The following TPO variants were observed in gnomAD, a reference collection of about 807,000 sequenced individuals.
The protein encoded by TPO is thyroid microsomal antigen.
In TPO, 78 loss-of-function variants were observed where a neutral mutation model predicts 96.9. The ratio of observed to expected loss-of-function variants is 0.81; its 90% confidence interval spans 0.67 to 0.97. The LOEUF is 0.97. TPO is among the 50% of genes least tolerant of loss of function. TPO has a pLI of 0.00. For synonymous variants in TPO, 547 were observed against 538.0 expected (o/e 1.02, Z -0.23); for missense variants, 1,252 against 1,274.8 (o/e 0.98, Z 0.27).
At chr2:1,376,688 C>G (rs965797845) in intron 1 of TPO, among the ~76,000 whole-genome samples, 1 of 152,030 alleles carries the variant, frequency 6.6e-6, no homozygotes, top group Non-Finnish European at 1.5e-5. Flanking sequence ...GACCCATGAC[C>G]GAGCACCCTT....
intron 3 of TPO, among the ~76,000 whole-genome samples, chr2:1,431,613 G>A (rs956712304): frequency 2.6e-5 from 4 of 152,170 alleles, no homozygotes; most frequent in Admixed American, 2.6e-4. Context: ...ACCTTCCGTA[G>A]TGATTGGTGT....
intron 10 of TPO, among the ~76,000 whole-genome samples, chr2:1,489,596 C>A (rs1671520247): frequency 6.6e-6 from 1 of 152,180 alleles, no homozygotes; most frequent in African/African-American, 2.4e-5. Flanking sequence ...GGGCTGTGAT[C>A]ACTAGCACCC....
intron 7 of TPO, among the ~76,000 whole-genome samples, chr2:1,472,876 T>C (rs1411823159): frequency 6.7e-6 from 1 of 149,252 alleles, no homozygotes; most frequent in East Asian, 2.0e-4. Context: ...ATTTCGTTGT[T>C]ACATTAGTTG....
At chr2:1,434,612 GAAGA>G (rs1665368068) in intron 4 of TPO, among the ~76,000 whole-genome samples, 1 of 152,212 alleles carries the variant, frequency 6.6e-6, no homozygotes, top group African/African-American at 2.4e-5. Context: ...CCTGACGTCA[GAAGA>G]TGTGGGTCTT....
chr2:1,504,053 T>G lies in TPO; in HGVS notation c.2492T>G (p.Leu831Ter), dbSNP rs771978129. The G allele has an allele frequency of 1.2e-5, 20 of 1,614,046 alleles. No individual in the cohort carries two copies. Among genetic ancestry groups the G allele is most frequent in the Non-Finnish European group, 1.5e-5 (18 of 1,180,048 alleles). Residue 831 changes from leucine to a stop codon, truncating the protein, a stop_gained, in exon 14 of 17, where the codon TTA becomes TGA. Coordinates refer to ENST00000329066, the MANE Select transcript of TPO (RefSeq NM_001206744.2). LOFTEE classifies it high-confidence loss of function. ...TGTCTCTGCGCGGACCCCTACGAGT[T>G]AGGAGACGATGGGAGAACCTGCGTA... Reference protein sequence around the residue: ...FQCLCADPYELGDDGRTCVDS... With the variant: ...FQCLCADPYE
intron 5 of TPO, among the ~76,000 whole-genome samples, chr2:1,437,715 T>C (rs1239297156): frequency 6.6e-6 from 1 of 152,166 alleles, no homozygotes; most frequent in East Asian, 1.9e-4. Context: ...AACCTGGCCA[T>C]GTGTGAGGAT....
chr2:1,462,132 T>G (rs1668504637), intron 7 of TPO, among the ~76,000 whole-genome samples: 1 of 152,290 alleles, frequency 6.6e-6, no homozygotes, highest in Non-Finnish European at 1.5e-5. Flanking sequence ...GGGGCAGGAC[T>G]GGGGTTGACA....
intron 1 of TPO, among the ~76,000 whole-genome samples, chr2:1,376,171 G>A (rs1337399192): frequency 6.6e-6 from 1 of 152,110 alleles, no homozygotes; most frequent in East Asian, 1.9e-4. Flanking sequence ...GAGCTAATGG[G>A]TATAAAACCC....
chr2:1,462,380 G>A (rs553770077), intron 7 of TPO, among the ~76,000 whole-genome samples: 1 of 152,152 alleles, frequency 6.6e-6, no homozygotes, highest in East Asian at 1.9e-4. Flanking sequence ...TTGAAAATAT[G>A]GAATCACAAG....
At chr2:1,376,163 G>C (rs1661718910) in intron 1 of TPO, among the ~76,000 whole-genome samples, 1 of 152,158 alleles carries the variant, frequency 6.6e-6, no homozygotes, top group South Asian at 2.1e-4. Flanking sequence ...CCATTGTAGA[G>C]CTAATGGGTA....
intron 15 of TPO, among the ~76,000 whole-genome samples, chr2:1,536,971 CCCCAATCTCCCCCACTGTGTG>C (rs1679829248): frequency 1.2e-5 from 1 of 80,726 alleles, no homozygotes; most frequent in Non-Finnish European, 2.4e-5. Flanking sequence ...GTGTGCAACC[CCCCAATCTCCCCCACTGTGTG>C]CAACCTCAAA....
At chr2:1,443,015 C>T (rs576749879) in intron 5 of TPO, among the ~76,000 whole-genome samples, 2 of 152,300 alleles carry the variant, frequency 1.3e-5, no homozygotes, top group South Asian at 2.1e-4. Context: ...GTCGGGGGAT[C>T]GCTTGAGCCC....
intron 3 of TPO, among the ~76,000 whole-genome samples, 194 bp downstream of exon 3, chr2:1,423,323 A>G (rs1245316481): frequency 6.6e-6 from 1 of 152,222 alleles, no homozygotes; most frequent in Non-Finnish European, 1.5e-5. Flanking sequence ...TTCTTAAGCA[A>G]GACACAAAGG....
At chr2:1,449,796 G>A (rs1667158503) in intron 5 of TPO, among the ~76,000 whole-genome samples, 1 of 152,178 alleles carries the variant, frequency 6.6e-6, no homozygotes, top group South Asian at 2.1e-4. Context: ...TTTGGAAAAA[G>A]CTGAGCTCAT....
At position 1,542,492 on chromosome 2, in the gene TPO, A is replaced by G. The variant is rs776167102; in HGVS notation, c.*18A>G. The G allele has an allele frequency of 2.9e-5, 47 of 1,614,086 alleles. No homozygotes were observed. Among genetic ancestry groups the G allele is most frequent in the Non-Finnish European group, 3.6e-5 (42 of 1,180,016 alleles). The stretch of plus-strand genomic sequence containing the variant: ...CCCTCTGAGGGCAAAGTGGCAGGAC[A>G]CTGCAGAACAGCTTCATGTTCCCAA... On this transcript the variant is annotated 3_prime_UTR_variant, in exon 17 of 17. Transcript: ENST00000329066.
intron 16 of TPO, 173 bp downstream of exon 16, chr2:1,540,896 C>CAGAATGTGAGCCTGCTT (rs1418654790): frequency 7.8e-6 from 12 of 1,546,100 alleles, no homozygotes; most frequent in Non-Finnish European, 1.0e-5. Flanking sequence ...GACAGTGAGC[C>CAGAATGTGAGCCTGCTT]AGAATGTGAG....
chr2:1,409,761 C>T (rs566190370), upstream of TPO, among the ~76,000 whole-genome samples: 6 of 150,940 alleles, frequency 4.0e-5, no homozygotes, highest in Middle Eastern at 3.4e-3. Flanking sequence ...AAAAAATAAA[C>T]TTACAAATTT....
At chr2:1,485,967 T>TCC (rs1362905754) in intron 9 of TPO, among the ~76,000 whole-genome samples, 1 of 152,218 alleles carries the variant, frequency 6.6e-6, no homozygotes, top group Non-Finnish European at 1.5e-5. Flanking sequence ...AGTCATGAAG[T>TCC]CCTTGCCCAT....
At position 1,487,510 on chromosome 2, in the gene TPO, A is replaced by G. The variant is rs147102325; in HGVS notation, c.1598-311A>G. Among the ~76,000 whole-genome samples, 1,512 of 152,304 alleles carry G rather than the reference A, an allele frequency of 9.9e-3. 28 individuals carry two copies. Among genetic ancestry groups the G allele is most frequent in the African/African-American group, 0.035 (1,435 of 41,566 alleles). On this transcript the variant is annotated intron_variant, in intron 9 of 16. Transcript: ENST00000329066. ...AGCACTTTGGGAGGCCGAGGCAGGC[A>G]GATCACCAGGTCAGGAGATTGAGAC... is the stretch of plus-strand genomic sequence containing the variant.
Sources: allele counts gnomAD v4.1 joint callset (sites outside exome capture counted in the v4.1 genomes callset), GRCh38; gene constraint gnomAD v4.1.1; transcripts MANE v1.5; gene names NCBI Gene and HGNC (gene_info 2026-07-23, HGNC 2026-07-21).